Variants in BHLHE41 observed in about 807,000 individuals in gnomAD.
BHLHE41 encodes class E basic helix-loop-helix protein 41.
A neutral mutation model predicts 24.0 loss-of-function variants in BHLHE41; 14 were observed. That is an observed-to-expected ratio of 0.58 (90% CI 0.39 to 0.91). BHLHE41 has a LOEUF of 0.91. BHLHE41 is among the 40% of genes least tolerant of loss of function. BHLHE41 has a pLI of 0.00. For synonymous variants in BHLHE41, 394 were observed against 315.5 expected, an observed-to-expected ratio of 1.25 and a Z score of -2.64; for missense variants, 674 against 655.4, an observed-to-expected ratio of 1.03 and a Z score of -0.31.
rs1045240653 is a variant in BHLHE41, at chr12:26,120,185, T to C, written c.*1881A>G. On this transcript the variant is annotated 3_prime_UTR_variant, in exon 5 of 5. Coordinates refer to ENST00000242728, the MANE Select transcript of BHLHE41 (RefSeq NM_030762.3). Reference sequence around the variant, plus strand: ...AATCTGAGAACTGTAGTGATTTGTATCCCTATAGTTATAGATATCTTAAAA... The same window carrying C: ...AATCTGAGAACTGTAGTGATTTGTACCCCTATAGTTATAGATATCTTAAAA... The C allele has an allele frequency of 3.9e-5, 6 of 152,624 alleles. No individual in the cohort carries two copies. The highest frequency in any genetic ancestry group is 7.3e-5 in the Non-Finnish European group (5 of 68,046). 9.5% of individuals were successfully genotyped at this position (152,624 alleles called of 1,614,324 possible).
rs1358623753 is a variant in BHLHE41 at position 26,121,511 on chromosome 12, T to C, written c.*555A>G. 1 of 152,812 alleles carries C rather than the reference T, an allele frequency of 6.5e-6. No individual in the cohort carries two copies. Among genetic ancestry groups the C allele is most frequent in the Non-Finnish European group, 1.5e-5 (1 of 68,322 alleles). The allele number at this position is 152,812 out of a possible 1,614,324, so 9.5% of individuals were successfully genotyped here. A position where few individuals can be genotyped will look rare whatever the true frequency, so the allele number is the denominator to read the frequency against. ...CTGAACATTAGAAAATACTGAAGAG[T>C]AAATTCAATTCTAAAAGAGCCTCAA... On this transcript the variant is annotated 3_prime_UTR_variant, in exon 5 of 5. Transcript: ENST00000242728.
In BHLHE41 at chr12:26,122,255, C is replaced by T. The variant is rs1371999296; in HGVS notation, c.1260G>A (p.Ser420=). The T allele has an allele frequency of 8.0e-7, 1 of 1,257,216 alleles. No homozygotes were observed. Among genetic ancestry groups the T allele is most frequent in the East Asian group, 3.3e-5 (1 of 30,306 alleles). 77.9% of individuals were successfully genotyped at this position (1,257,216 alleles called of 1,614,324 possible). Residue 420 remains serine (S), a synonymous_variant, in exon 5 of 5, where the codon TCG becomes TCA. Transcript: ENST00000242728. ...CGGCGCCCGCCTTCTCGGGAGGGGG[C>T]GACAACACCGAGGACAGGCAGGGGA... is the stretch of plus-strand genomic sequence containing the variant. The part of the protein sequence containing the change: ...AAFPCLSSVL[S]PPPEKAGAAA...
chr12:26,124,226 T>TTCAC (rs755184861), intron 2 of BHLHE41, 47 bp from the exon 3 acceptor site: 1 of 1,272,358 alleles, frequency 7.9e-7, no homozygotes, highest in East Asian at 2.3e-5. Flanking sequence ...AAGCGAAACA[T>TTCAC]TCACTTATTG....
chr12:26,122,222 C>T lies in BHLHE41; in HGVS notation c.1293G>A (p.Ala431=). Residue 431 remains alanine (A), a synonymous_variant, in exon 5 of 5, where the codon GCG becomes GCA. Transcript: ENST00000242728. ...GCGCCACCTCGTGCGGCAGGAGGGTCGCGGCGGCGGCGCCCGCCTTCTCGG... is the reference window on the plus strand; with the variant it reads ...GCGCCACCTCGTGCGGCAGGAGGGTTGCGGCGGCGGCGCCCGCCTTCTCGG... ...PPPEKAGAAA[A]TLLPHEVAPL... is the part of the protein sequence containing the mutation. 1 of 1,302,008 alleles carries T rather than the reference C, an allele frequency of 7.7e-7. No homozygotes were observed. The highest frequency in any genetic ancestry group is 9.7e-7 in the Non-Finnish European group (1 of 1,026,542). The allele number at this position is 1,302,008 out of a possible 1,614,324, so 80.7% of individuals were successfully genotyped here. A position where few individuals can be genotyped will look rare whatever the true frequency, so the allele number is the denominator to read the frequency against.
At position 26,122,950 on chromosome 12, in the gene BHLHE41, C is replaced by T. The variant is rs773324416; in HGVS notation, c.565G>A (p.Gly189Ser). The T allele has an allele frequency of 9.6e-6, 15 of 1,556,946 alleles. No individual in the cohort carries two copies. Among genetic ancestry groups the T allele is most frequent in the Non-Finnish European group, 1.2e-5 (14 of 1,150,000 alleles). The change falls in exon 5 of 5, where the codon GGC becomes AGC. Residue 189 changes from glycine to serine, a missense_variant. By Grantham distance (56) the Gly-to-Ser change is moderately conservative. This residue lies in a region of BHLHE41 where 602 missense variants were observed against 570.8 expected (regional missense o/e 1.05). Transcript: ENST00000242728. ...CCGGCGGCCGAGGGAGCGCCGGTGC[C>T]TTTGCTCAGAGGGACCTGTTGAGTC... ...LLTQQVPLSK[G>S]TGAPSAAGSA...
chr12:26,123,419 C>T (rs935207387), intron 4 of BHLHE41, among the ~76,000 whole-genome samples: 4 of 152,184 alleles, frequency 2.6e-5, no homozygotes, highest in Admixed American at 1.3e-4. Context: ...CACTTTAAAT[C>T]CTGATTCCTC....
chr12:26,124,407 T>TG, intron 2 of BHLHE41, 112 bp downstream of exon 2: 1 of 1,219,742 alleles, frequency 8.2e-7, no homozygotes, highest in East Asian at 2.4e-5. Context: ...AATTCACAGT[T>TG]GGGGAAGCTC....
At chr12:26,123,780 T>A (rs773523168) in intron 3 of BHLHE41, 39 bp from the exon 4 acceptor site, 1 of 1,357,906 alleles carries the variant, frequency 7.4e-7, no homozygotes. Context: ...CTTGGTTACT[T>A]AAAAACACAC....
Position 26,122,303 on chromosome 12 carries a change from G to GGCA in BHLHE41, c.1211_1212insTGC (p.Ala411dup). 8.6e-7 allele frequency: 1 copy of GGCA among 1,163,986 alleles called. No individual in the cohort carries two copies. Among genetic ancestry groups the GGCA allele is most frequent in the Non-Finnish European group, 1.1e-6 (1 of 943,870 alleles). 72.1% of individuals were successfully genotyped at this position (1,163,986 alleles called of 1,614,324 possible). A position where few individuals can be genotyped will look rare whatever the true frequency, so the allele number is the denominator to read the frequency against. On this transcript the variant is annotated inframe_insertion, in exon 5 of 5. Coordinates refer to ENST00000242728, the MANE Select transcript of BHLHE41 (RefSeq NM_030762.3). The stretch of plus-strand genomic sequence containing the variant: ...GGAACGCGGCGGCGGCGGCGGCAGC[G>GGCA]GCGGCGGCGGCTGCCGCGGCTGCCG...
chr12:26,122,363 C>A lies in BHLHE41; in HGVS notation c.1152G>T (p.Pro384=), dbSNP rs1275119557. ...GGATGCCGGGGTATAGCAGCGGGAA[C>A]GGGGCGGCAGCCGCCGCCGGGTACA... The part of the protein sequence containing the change: ...KYLYPAAAAA[P]FPLLYPGIPA... The change falls in exon 5 of 5, where the codon CCG becomes CCT. Residue 384 remains proline, a synonymous_variant. Transcript: ENST00000242728. The A allele has an allele frequency of 1.6e-5, 19 of 1,186,884 alleles. No homozygotes were observed. The East Asian group carries it at 2.2e-4, about 14-fold the overall frequency. 73.5% of individuals were successfully genotyped at this position (1,186,884 alleles called of 1,614,324 possible).
rs187042308 is a variant in BHLHE41 at position 26,120,785 on chromosome 12, T to C, written c.*1281A>G. 6.5e-6 allele frequency: 1 copy of C among 152,794 alleles called. No individual in the cohort carries two copies. The highest frequency in any genetic ancestry group is 6.5e-5 in the Admixed American group (1 of 15,312). The allele number at this position is 152,794 out of a possible 1,614,324, so 9.5% of individuals were successfully genotyped here. ...TCTCACCCCTTACATAACATCCAAG[T>C]GAGATTTCTCACAGTGCTACCTTGG... On this transcript the variant is annotated 3_prime_UTR_variant, in exon 5 of 5. Transcript: ENST00000242728.
At position 26,120,836 on chromosome 12, in the gene BHLHE41, G is replaced by T. The variant is rs1363426623; in HGVS notation, c.*1230C>A. ...CAACAAACTAAAAATATCTAGACAA[G>T]GTCTTGGTTTAAGCCTTATTAAAAA... On this transcript the variant is annotated 3_prime_UTR_variant, in exon 5 of 5. Coordinates refer to ENST00000242728, the MANE Select transcript of BHLHE41 (RefSeq NM_030762.3). 2 of 152,608 alleles carry T rather than the reference G, an allele frequency of 1.3e-5. No individual in the cohort carries two copies. The highest frequency in any genetic ancestry group is 4.8e-5 in the African/African-American group (2 of 41,450). 9.5% of individuals were successfully genotyped at this position (152,608 alleles called of 1,614,324 possible). A position where few individuals can be genotyped will look rare whatever the true frequency, so the allele number is the denominator to read the frequency against.
Position 26,122,641 on chromosome 12 carries a change from CGCCGCCGCT to C in BHLHE41, c.865_873del (p.Ser289_Gly291del), listed in dbSNP as rs1248596669. ...GCCGCCGCCGCGCCGCCCCCCGGGC[CGCCGCCGCT>C]GCCGCCGCCGCGGGAATCCAGCTTC... is the stretch of plus-strand genomic sequence containing the variant. On this transcript the variant is annotated inframe_deletion, in exon 5 of 5. Coordinates refer to ENST00000242728, the MANE Select transcript of BHLHE41 (RefSeq NM_030762.3). The C allele has an allele frequency of 7.7e-7, 1 of 1,303,520 alleles. No individual in the cohort carries two copies. The highest frequency in any genetic ancestry group is 9.8e-7 in the Non-Finnish European group (1 of 1,020,242). The allele number at this position is 1,303,520 out of a possible 1,614,324, so 80.7% of individuals were successfully genotyped here.
intron 4 of BHLHE41, among the ~76,000 whole-genome samples, chr12:26,123,429 C>G (rs1944333389): frequency 6.6e-6 from 1 of 152,194 alleles, no homozygotes; most frequent in African/African-American, 2.4e-5. Flanking sequence ...CCTGATTCCT[C>G]CGAGTTCTGC....
chr12:26,121,839 G>T lies in BHLHE41; in HGVS notation c.*227C>A. The stretch of plus-strand genomic sequence containing the variant: ...TTACAGCTGGTGGGGGGAAGAAAGG[G>T]ATGTTAGTGTGTGGAGGGTGGGGTG... On this transcript the variant is annotated 3_prime_UTR_variant, in exon 5 of 5. Coordinates refer to ENST00000242728, the MANE Select transcript of BHLHE41 (RefSeq NM_030762.3). 9.9e-7 allele frequency: 1 copy of T among 1,012,352 alleles called. No individual in the cohort carries two copies. Among genetic ancestry groups the T allele is most frequent in the Non-Finnish European group, 1.4e-6 (1 of 727,004 alleles). 62.7% of individuals were successfully genotyped at this position (1,012,352 alleles called of 1,614,324 possible). A position where few individuals can be genotyped will look rare whatever the true frequency, so the allele number is the denominator to read the frequency against.
Position 26,122,103 on chromosome 12 carries a change from T to C in BHLHE41, c.1412A>G (p.Gln471Arg). 2 of 1,549,722 alleles carry C rather than the reference T, an allele frequency of 1.3e-6. No homozygotes were observed. The highest frequency in any genetic ancestry group is 2.4e-5 in the East Asian group (1 of 40,836). ...CTTTCCTGGCTGCGAGGGATCTTCC[T>C]GAGCAGAGCTCTCCGGGTTCCCCGG... ...REPGNPESSAQEDPSQPGKEA... is the reference protein window; with the variant it reads ...REPGNPESSAREDPSQPGKEA... The change falls in exon 5 of 5, where the codon CAG (glutamine) becomes CGG (arginine). Residue 471 changes from glutamine to arginine, a missense_variant. This residue lies in a region of BHLHE41 where 602 missense variants were observed against 570.8 expected (regional missense o/e 1.05). Transcript: ENST00000242728.
intron 4 of BHLHE41, 134 bp downstream of exon 4, chr12:26,123,485 GGGAAAGTATAA>G: frequency 1.4e-6 from 1 of 730,116 alleles, no homozygotes; most frequent in Admixed American, 2.0e-5. Context: ...TTCCAATGAA[GGGAAAGTATAA>G]GCAATTTAAC....
rs1361230713 is a variant in BHLHE41, at chr12:26,124,964, A to C, written c.-185T>G. The C allele has an allele frequency of 4.7e-6, 3 of 633,642 alleles. No individual in the cohort carries two copies. Among genetic ancestry groups the C allele is most frequent in the Non-Finnish European group, 8.6e-6 (3 of 348,128 alleles). The allele number at this position is 633,642 out of a possible 1,614,324, so 39.3% of individuals were successfully genotyped here. On this transcript the variant is annotated 5_prime_UTR_variant, in exon 1 of 5. Transcript: ENST00000242728. The stretch of plus-strand genomic sequence containing the variant: ...CCCCCCCTCCACCGCGCTCGCACAC[A>C]CACACGCACACACACGCACACTCGC...
chr12:26,122,440 C>G lies in BHLHE41; in HGVS notation c.1075G>C (p.Ala359Pro), dbSNP rs1228540449. The G allele has an allele frequency of 5.2e-6, 7 of 1,356,076 alleles. No individual in the cohort carries two copies. The highest frequency in any genetic ancestry group is 5.7e-6 in the Non-Finnish European group (6 of 1,044,006). 84.0% of individuals were successfully genotyped at this position (1,356,076 alleles called of 1,614,324 possible). Residue 359 changes from alanine to proline, a missense_variant, in exon 5 of 5, where the codon GCT becomes CCT. Physicochemically the swap from Ala to Pro is conservative, Grantham distance 27. Around this residue, in one of 3 missense-constraint regions of BHLHE41, gnomAD observed 602 missense variants for 570.8 expected, o/e 1.05. Transcript: ENST00000242728. ...AGGAAGGGCTGCACGTAGGCGGCAG[C>G]TGCAGAAGGCGAGAGGAAGCAGAAG... ...LPFCFLSPSA[A>P]AAYVQPFLDK...
Sources: allele counts gnomAD v4.1 joint callset (sites outside exome capture counted in the v4.1 genomes callset), GRCh38; gene constraint gnomAD v4.1.1; regional missense constraint gnomAD v4.1.1; transcripts MANE v1.5; gene names NCBI Gene and HGNC (gene_info 2026-07-23, HGNC 2026-07-21).